HDAC9: variants seen among roughly 807,000 people sequenced by gnomAD.
HDAC9 encodes MEF-2 interacting transcription repressor (MITR) protein.
A neutral mutation model predicts 139.4 loss-of-function variants in HDAC9; 41 were observed. The observed-to-expected ratio is 0.29, with a 90% CI of 0.23 to 0.38. The LOEUF (loss-of-function observed/expected upper bound fraction) is 0.38, where lower values mean the gene tolerates loss of function less well. Ranked by LOEUF, HDAC9 falls within the 10% of genes least tolerant of loss-of-function variation. The pLI is 1.00. For missense variants in HDAC9, 1,147 were observed against 1,297.0 expected (o/e 0.88, Z 1.78); for synonymous variants, 517 against 476.2 (o/e 1.09, Z -1.12).
intron 1 of HDAC9, among the ~76,000 whole-genome samples, chr7:18,459,183 T>A (rs1775441593): frequency 6.6e-6 from 1 of 152,070 alleles, no homozygotes; most frequent in South Asian, 2.1e-4. Context: ...GTGTTATAAT[T>A]TTTTATCTTA....
intron 1 of HDAC9, chr7:18,290,641 CG>C: frequency 2.5e-6 from 1 of 403,404 alleles, no homozygotes; most frequent in Non-Finnish European, 5.0e-6. Flanking sequence ...ACTTGTCATG[CG>C]GAGGGAAGCA....
At chr7:18,762,817 G>A (rs1157394948) in intron 15 of HDAC9, among the ~76,000 whole-genome samples, 1 of 152,054 alleles carries the variant, frequency 6.6e-6, no homozygotes. Context: ...TGCAAAACTA[G>A]AAAACTAATA....
intron 1 of HDAC9, among the ~76,000 whole-genome samples, chr7:18,379,690 TC>T (rs1031268651): frequency 2.0e-5 from 3 of 152,218 alleles, no homozygotes; most frequent in African/African-American, 7.2e-5. Context: ...ACTGAATTTT[TC>T]CCCCAGTATT....
chr7:18,497,479 T>C (rs1475783485), intron 2 of HDAC9, among the ~76,000 whole-genome samples: 1 of 152,166 alleles, frequency 6.6e-6, no homozygotes, highest in Non-Finnish European at 1.5e-5. Flanking sequence ...TTTAAGATCC[T>C]TCTGTTGACC....
chr7:18,845,970 C>T (rs570140057), intron 21 of HDAC9, among the ~76,000 whole-genome samples: 1 of 152,248 alleles, frequency 6.6e-6, no homozygotes, highest in African/African-American at 2.4e-5. Context: ...GGCAGTGAAG[C>T]CCCTGTGTCA....
At chr7:18,218,931 C>T (rs895414508) in intron 2 of HDAC9, among the ~76,000 whole-genome samples, 3 of 152,082 alleles carry the variant, frequency 2.0e-5, no homozygotes, top group African/African-American at 7.2e-5. Context: ...AAATGTTACT[C>T]CTGGGTCAAG....
chr7:18,716,126 T>G (rs1442954561), intron 12 of HDAC9, among the ~76,000 whole-genome samples: 1 of 152,222 alleles, frequency 6.6e-6, no homozygotes, highest in Non-Finnish European at 1.5e-5. Flanking sequence ...TTTCCCCTCC[T>G]TCTCTTCAGG....
In HDAC9 at chr7:18,979,156, T is replaced by C. The variant is rs114716025; in HGVS notation, c.3170+3203T>C. On this transcript the variant is annotated intron_variant, in intron 25 of 25. Transcript: ENST00000686413. ...TAATACAGAAACATGAGAAAACATA[T>C]TATTCAAAGTCTGACCACTTTGTTT... 5.1e-3 allele frequency among the ~76,000 whole-genome samples: 779 copies of C among 152,288 alleles called. 8 individuals carry two copies. The highest frequency in any genetic ancestry group is 0.018 in the African/African-American group (747 of 41,550).
chr7:18,780,193 G>A (rs571591495), intron 16 of HDAC9, among the ~76,000 whole-genome samples: 2 of 152,000 alleles, frequency 1.3e-5, no homozygotes, highest in African/African-American at 2.4e-5. Flanking sequence ...GAAATGACTG[G>A]GCCTCAGTTC....
At chr7:18,864,755 G>T (rs1490537217) in intron 21 of HDAC9, among the ~76,000 whole-genome samples, 1 of 152,088 alleles carries the variant, frequency 6.6e-6, no homozygotes, top group African/African-American at 2.4e-5. Context: ...AGGGGAAATG[G>T]GAAGTTATTG....
chr7:18,638,375 A>G (rs1784539616), intron 8 of HDAC9, among the ~76,000 whole-genome samples: 1 of 152,096 alleles, frequency 6.6e-6, no homozygotes. Context: ...GATAAAGGGA[A>G]GACAGAAGTA....
intron 12 of HDAC9, among the ~76,000 whole-genome samples, chr7:18,677,525 A>C (rs771530603): frequency 6.6e-6 from 1 of 151,898 alleles, no homozygotes; most frequent in Non-Finnish European, 1.5e-5. Flanking sequence ...TTGTACACTA[A>C]GTATAGGTTT....
In HDAC9 at chr7:18,737,391, A is replaced by G. The variant is rs552123618; in HGVS notation, c.1909+9634A>G. Among the ~76,000 whole-genome samples, 176 of 152,100 alleles carry G rather than the reference A, an allele frequency of 1.2e-3. 1 individual carries two copies. The highest frequency in any genetic ancestry group is 1.5e-3 in the Non-Finnish European group (102 of 68,022). ...CATTTAGTGCTATACATTTCCCTCT[A>G]CACACTGCTTTAAATGTGTCCCAGA... On this transcript the variant is annotated intron_variant, in intron 13 of 25. Coordinates refer to ENST00000686413, the MANE Select transcript of HDAC9 (RefSeq NM_178425.4).
At chr7:18,237,302 C>T (rs540522877) in intron 2 of HDAC9, among the ~76,000 whole-genome samples, 13 of 152,274 alleles carry the variant, frequency 8.5e-5, no homozygotes, top group African/African-American at 3.1e-4. Context: ...TATCTAGTCA[C>T]ATGTAACTGA....
At chr7:18,943,875 A>G (rs1450709401) in intron 23 of HDAC9, among the ~76,000 whole-genome samples, 5 of 152,116 alleles carry the variant, frequency 3.3e-5, no homozygotes, top group Admixed American at 3.3e-4. Flanking sequence ...ACATGTAGGT[A>G]GGATGCAGGC....
At chr7:18,835,363 GAGAA>G (rs1796160107) in intron 19 of HDAC9, 100 bp from the exon 20 acceptor site, 3 of 1,241,146 alleles carry the variant, frequency 2.4e-6, no homozygotes, top group Non-Finnish European at 2.2e-6. Context: ...GACAGAAAAT[GAGAA>G]AGAAAGTGGT....
chr7:18,143,132 T>A (rs1178359), intron 1 of HDAC9, among the ~76,000 whole-genome samples: 92 of 152,140 alleles, frequency 6.0e-4, no homozygotes, highest in African/African-American at 2.0e-3. Flanking sequence ...GATCTCCCCC[T>A]GCTTTTGTAA....
intron 6 of HDAC9, among the ~76,000 whole-genome samples, chr7:18,623,821 A>T (rs1229537536): frequency 6.6e-6 from 1 of 152,120 alleles, no homozygotes. Context: ...ACGCCCCTAT[A>T]ATCCCAGCTA....
chr7:18,807,044 A>G (rs1026013577), intron 17 of HDAC9, among the ~76,000 whole-genome samples: 1 of 152,100 alleles, frequency 6.6e-6, no homozygotes, highest in Non-Finnish European at 1.5e-5. Flanking sequence ...TAATTCTTTA[A>G]ATGTTTGGTA....
Sources: allele counts gnomAD v4.1 joint callset (sites outside exome capture counted in the v4.1 genomes callset), GRCh38; gene constraint gnomAD v4.1.1; transcripts MANE v1.5; gene names NCBI Gene and HGNC (gene_info 2026-07-23, HGNC 2026-07-21).